The following SP4 variants were observed in gnomAD, a reference collection of about 807,000 sequenced individuals.
SP4 encodes the protein Sp4 transcription factor, also known as transcription factor Sp4.
In SP4, 19 loss-of-function variants were observed where a neutral mutation model predicts 72.8. The ratio of observed to expected loss-of-function variants is 0.26; its 90% CI spans 0.18 to 0.38. SP4 has a LOEUF of 0.38. SP4 is among the 10% of genes least tolerant of loss of function. The pLI is 1.00. For missense variants in SP4, 1,008 were observed against 926.3 expected (o/e 1.09, Z -1.14); for synonymous variants, 395 against 333.1 (o/e 1.19, Z -2.02).
At chr7:21,486,353 T>G (rs549888715) in intron 5 of SP4, among the ~76,000 whole-genome samples, 2 of 152,236 alleles carry the variant, frequency 1.3e-5, no homozygotes, top group African/African-American at 4.8e-5. Context: ...AATTAAGAAA[T>G]TAACATTGTT....
intron 3 of SP4, among the ~76,000 whole-genome samples, chr7:21,434,905 A>T (rs183076812): frequency 6.6e-6 from 1 of 152,164 alleles, no homozygotes; most frequent in Admixed American, 6.5e-5. Flanking sequence ...CTTTAAGCTC[A>T]AAGACAACTA....
rs534479750 is a variant in SP4 at position 21,461,178 on chromosome 7, G to C, written c.1679-15901G>C. Among the ~76,000 whole-genome samples the C allele has an allele frequency of 3.3e-5, 5 of 152,326 alleles. No homozygotes were observed. The South Asian group carries it at 1.0e-3, about 32-fold the overall frequency. The stretch of plus-strand genomic sequence containing the variant: ...GGGCTGCAGGTGGAGCTGCCTGCCA[G>C]TCCCGTGCCATGCGCCCGCACTCCT... On this transcript the variant is annotated intron_variant, in intron 3 of 5. Transcript: ENST00000222584.
chr7:21,490,099 T>C (rs1043493084), intron 5 of SP4, among the ~76,000 whole-genome samples: 5 of 152,272 alleles, frequency 3.3e-5, no homozygotes, highest in African/African-American at 1.2e-4. Context: ...AGTTTACTTA[T>C]TTGTTTTCTT....
At position 21,428,199 on chromosome 7, in the gene SP4, C is replaced by CCCCCCCCCCCCAAA; in HGVS notation, c.-53_-52insCCCCCCCCCCCAAA. ...TCTCCTCCCGCCTCGCCCCCACCCC[C>CCCCCCCCCCCCAAA]ACCCACCTCTATCCCAGTGTCTCCG... On this transcript the variant is annotated 5_prime_UTR_variant, in exon 1 of 6. Coordinates refer to ENST00000222584, the MANE Select transcript of SP4 (RefSeq NM_003112.5). 3.6e-6 allele frequency: 4 copies of CCCCCCCCCCCCAAA among 1,119,136 alleles called. No homozygotes were observed. Among genetic ancestry groups the CCCCCCCCCCCCAAA allele is most frequent in the East Asian group, 2.9e-5 (1 of 34,090 alleles). The allele number at this position is 1,119,136 out of a possible 1,614,324, so 69.3% of individuals were successfully genotyped here.
intron 5 of SP4, among the ~76,000 whole-genome samples, chr7:21,489,488 A>ATTT (rs138369949): frequency 8.9e-5 from 12 of 135,408 alleles, no homozygotes; most frequent in African/African-American, 3.2e-4. Flanking sequence ...CACCTAGCTA[A>ATTT]TTTTTTTTTT....
At chr7:21,451,150 T>C (rs989661612) in intron 3 of SP4, among the ~76,000 whole-genome samples, 2 of 150,966 alleles carry the variant, frequency 1.3e-5, no homozygotes, top group African/African-American at 4.8e-5. Flanking sequence ...TCTTGAGCTG[T>C]TTTTTCCCTT....
intron 5 of SP4, among the ~76,000 whole-genome samples, chr7:21,506,064 C>T (rs916215014): frequency 6.6e-6 from 1 of 152,154 alleles, no homozygotes; most frequent in African/African-American, 2.4e-5. Flanking sequence ...ATCTCACAAT[C>T]AGGTCTCGAC....
intron 3 of SP4, among the ~76,000 whole-genome samples, chr7:21,452,047 C>T (rs1283050858): frequency 6.6e-6 from 1 of 152,162 alleles, no homozygotes; most frequent in Non-Finnish European, 1.5e-5. Flanking sequence ...CCAGAGATCA[C>T]TGGTTGGTTC....
At chr7:21,459,324 T>A (rs539572017) in intron 3 of SP4, among the ~76,000 whole-genome samples, 1 of 152,156 alleles carries the variant, frequency 6.6e-6, no homozygotes. Context: ...TTTCACTGTG[T>A]TAGCCAGGCT....
chr7:21,435,688 T>C (rs914769846), intron 3 of SP4, among the ~76,000 whole-genome samples: 21 of 152,324 alleles, frequency 1.4e-4, no homozygotes, highest in Admixed American at 1.2e-3. Context: ...TCTAATACTG[T>C]TTGTTATAGA....
At chr7:21,474,351 C>T (rs1293397049) in intron 3 of SP4, among the ~76,000 whole-genome samples, 1 of 152,180 alleles carries the variant, frequency 6.6e-6, no homozygotes, top group East Asian at 1.9e-4. Flanking sequence ...GTAAAGGGTA[C>T]TTACCAACTT....
intron 4 of SP4, among the ~76,000 whole-genome samples, chr7:21,477,797 C>T (rs1446335437): frequency 6.6e-6 from 1 of 152,136 alleles, no homozygotes; most frequent in African/African-American, 2.4e-5. Flanking sequence ...CACCTCAGCC[C>T]CCCAAGTGCT....
Position 21,428,088 on chromosome 7 carries a change from C to T in SP4, c.-164C>T. On this transcript the variant is annotated 5_prime_UTR_variant, in exon 1 of 6. Transcript: ENST00000222584. ...GAGAGAGGAGCTGCTACGCCACAGCCCAGCGGCGGCCATTCGCGGAAAAAG... is the reference window on the plus strand; with the variant it reads ...GAGAGAGGAGCTGCTACGCCACAGCTCAGCGGCGGCCATTCGCGGAAAAAG... 1 of 667,066 alleles carries T rather than the reference C, an allele frequency of 1.5e-6. No homozygotes were observed. The highest frequency in any genetic ancestry group is 2.8e-6 in the Non-Finnish European group (1 of 359,158). 41.3% of individuals were successfully genotyped at this position (667,066 alleles called of 1,614,324 possible). A position where few individuals can be genotyped will look rare whatever the true frequency, so the allele number is the denominator to read the frequency against.
At chr7:21,460,173 C>T (rs1423923588) in intron 3 of SP4, among the ~76,000 whole-genome samples, 1 of 152,152 alleles carries the variant, frequency 6.6e-6, no homozygotes, top group Non-Finnish European at 1.5e-5. Context: ...GGTTCTTGGT[C>T]TCAATGACTT....
At chr7:21,479,583 A>G (rs1263528264) in intron 4 of SP4, among the ~76,000 whole-genome samples, 2 of 152,176 alleles carry the variant, frequency 1.3e-5, no homozygotes, top group Non-Finnish European at 2.9e-5. Flanking sequence ...CAGCTTTGTT[A>G]TTCTTCAAAA....
chr7:21,499,071 C>T (rs1781799011), intron 5 of SP4, among the ~76,000 whole-genome samples: 1 of 116,052 alleles, frequency 8.6e-6, no homozygotes, highest in Non-Finnish European at 1.6e-5. Context: ...TGGAGCAAGA[C>T]TCTGTCTCAA....
intron 5 of SP4, among the ~76,000 whole-genome samples, chr7:21,509,568 G>A (rs1782092278): frequency 6.6e-6 from 1 of 151,704 alleles, no homozygotes; most frequent in South Asian, 2.1e-4. Flanking sequence ...TCAGATGGAT[G>A]TTTAATACAA....
rs1203562230 is a variant in SP4, at chr7:21,429,350, G to C, written c.185G>C (p.Gly62Ala). ...ACTTGCAGCAAAATAGGGACTCCTG[G>C]TGAAAATCAAGCAACTGGACAACAA... The part of the protein sequence containing the change: ...AATCSKIGTP[G>A]ENQATGQQQI... Residue 62 changes from glycine (G) to alanine (A), a missense_variant, in exon 3 of 6, where the codon GGT becomes GCT. By Grantham distance (60) the Gly-to-Ala change is moderately conservative (BLOSUM62 0). Coordinates refer to ENST00000222584, the MANE Select transcript of SP4 (RefSeq NM_003112.5). 1.2e-6 allele frequency: 2 copies of C among 1,613,832 alleles called. No homozygotes were observed. Among genetic ancestry groups the C allele is most frequent in the Non-Finnish European group, 1.7e-6 (2 of 1,179,998 alleles).
intron 3 of SP4, among the ~76,000 whole-genome samples, chr7:21,452,839 G>A (rs1181234075): frequency 6.7e-6 from 1 of 149,490 alleles, no homozygotes; most frequent in Non-Finnish European, 1.5e-5. Flanking sequence ...CTGGAGTGCA[G>A]TGGCACGATC....
Sources: allele counts gnomAD v4.1 joint callset (sites outside exome capture counted in the v4.1 genomes callset), GRCh38; gene constraint gnomAD v4.1.1; transcripts MANE v1.5; gene names NCBI Gene and HGNC (gene_info 2026-07-23, HGNC 2026-07-21).